KSR2: variants seen among roughly 807,000 people sequenced by gnomAD.
The protein encoded by KSR2 is kinase suppressor of ras 2.
A neutral mutation model predicts 107.8 loss-of-function variants in KSR2; 25 were observed. The observed-to-expected ratio is 0.23, with a 90% CI of 0.17 to 0.32. The LOEUF (loss-of-function observed/expected upper bound fraction) is 0.32, where lower values mean the gene tolerates loss of function less well. Among genes scored for constraint, KSR2 ranks in the 10% least tolerant of loss-of-function variants. KSR2 has a pLI of 1.00. For missense variants in KSR2, 887 were observed against 1,268.9 expected (o/e 0.70, Z 4.57); for synonymous variants, 480 against 507.0 (o/e 0.95, Z 0.71).
At chr12:117,718,569 G>A (rs1204906703) in intron 4 of KSR2, among the ~76,000 whole-genome samples, 1 of 152,206 alleles carries the variant, frequency 6.6e-6, no homozygotes, top group Non-Finnish European at 1.5e-5. Flanking sequence ...GTTGGTGAAT[G>A]AGTGGCTCAG....
intron 5 of KSR2, among the ~76,000 whole-genome samples, chr12:117,594,430 T>C (rs1443388022): frequency 6.6e-6 from 1 of 152,162 alleles, no homozygotes; most frequent in African/African-American, 2.4e-5. Flanking sequence ...CTTGCAGACA[T>C]GGTGGGGACA....
At chr12:117,871,951 C>T (rs1165521422) in intron 1 of KSR2, among the ~76,000 whole-genome samples, 1 of 152,092 alleles carries the variant, frequency 6.6e-6, no homozygotes, top group Non-Finnish European at 1.5e-5. Flanking sequence ...GCCACTATTC[C>T]CCATTTATTT....
At chr12:117,837,321 G>A (rs1203341466) in intron 3 of KSR2, among the ~76,000 whole-genome samples, 3 of 152,156 alleles carry the variant, frequency 2.0e-5, no homozygotes, top group Non-Finnish European at 1.5e-5. Context: ...TGATCAGACC[G>A]AGGTTCCTGC....
At chr12:117,858,516 C>T (rs773460332) in intron 2 of KSR2, among the ~76,000 whole-genome samples, 12 of 152,110 alleles carry the variant, frequency 7.9e-5, no homozygotes, top group Non-Finnish European at 1.6e-4. Flanking sequence ...ATTCTTAGAT[C>T]TGGTGGGGCT....
chr12:117,505,076 C>T (rs1873596138), intron 14 of KSR2, among the ~76,000 whole-genome samples: 1 of 152,166 alleles, frequency 6.6e-6, no homozygotes, highest in African/African-American at 2.4e-5. Context: ...CTGCAAAAGA[C>T]ATGATTTAGT....
At chr12:117,537,693 A>C (rs143037209) in intron 10 of KSR2, among the ~76,000 whole-genome samples, 2,107 of 152,328 alleles carry the variant, frequency 0.014, 19 homozygotes, top group Non-Finnish European at 0.022. Flanking sequence ...GCTTTTACCC[A>C]AAGGACCCCT....
chr12:117,944,148 A>G (rs1471299064), intron 1 of KSR2, among the ~76,000 whole-genome samples: 1 of 152,150 alleles, frequency 6.6e-6, no homozygotes, highest in East Asian at 1.9e-4. Flanking sequence ...AGGCTGAGGC[A>G]GGCGGATCAC....
chr12:117,760,742 A>G (rs1020595920), intron 4 of KSR2, among the ~76,000 whole-genome samples: 1 of 152,220 alleles, frequency 6.6e-6, no homozygotes, highest in African/African-American at 2.4e-5. Flanking sequence ...GCGTGTTCCA[A>G]TACCTTTTAT....
Position 117,464,328 on chromosome 12 carries a change from A to G in KSR2, c.*2871T>C, listed in dbSNP as rs1871046646. Reference sequence around the variant, plus strand: ...TGCTAAAAGCAAGACTGACTGGAACAACTCGCTGCTGAGTCAGTGACTTAT... The same window carrying G: ...TGCTAAAAGCAAGACTGACTGGAACGACTCGCTGCTGAGTCAGTGACTTAT... On this transcript the variant is annotated 3_prime_UTR_variant, in exon 20 of 20. Transcript: ENST00000339824. 6.6e-6 allele frequency: 1 copy of G among 152,272 alleles called. No homozygotes were observed. The highest frequency in any genetic ancestry group is 2.1e-4 in the South Asian group (1 of 4,836). The allele number at this position is 152,272 out of a possible 1,614,324, so 9.4% of individuals were successfully genotyped here. A position where few individuals can be genotyped will look rare whatever the true frequency, so the allele number is the denominator to read the frequency against.
At chr12:117,793,096 A>G in intron 3 of KSR2, among the ~76,000 whole-genome samples, 1 of 142,322 alleles carries the variant, frequency 7.0e-6, no homozygotes, top group Non-Finnish European at 1.5e-5. Flanking sequence ...ACCAACATGC[A>G]CACTCACACC....
rs1398989101 is a variant in KSR2, at chr12:117,656,957, T to TATAA, written c.1171+10516_1171+10517insTTAT. Among the ~76,000 whole-genome samples the TATAA allele has an allele frequency of 2.6e-4, 24 of 92,890 alleles. 1 individual carries two copies. Among genetic ancestry groups the TATAA allele is most frequent in the Admixed American group, 1.0e-3 (8 of 7,974 alleles). 60.9% of individuals were successfully genotyped at this position (92,890 alleles called of 152,430 possible). A position where few individuals can be genotyped will look rare whatever the true frequency, so the allele number is the denominator to read the frequency against. ...ATATAATAGGATATATATATATATA[T>TATAA]AATAGGATATATATATATAATAGGA... is the stretch of plus-strand genomic sequence containing the variant. On this transcript the variant is annotated intron_variant, in intron 5 of 19. Transcript: ENST00000339824.
chr12:117,652,317 AAAT>A lies in KSR2; in HGVS notation c.1171+15154_1171+15156del, dbSNP rs769992004. Among the ~76,000 whole-genome samples the A allele has an allele frequency of 2.6e-3, 394 of 152,266 alleles. 4 individuals are homozygous for A. The highest frequency in any genetic ancestry group is 4.3e-4 in the Non-Finnish European group (29 of 68,018). On this transcript the variant is annotated intron_variant, in intron 5 of 19. Coordinates refer to ENST00000339824, the MANE Select transcript of KSR2 (RefSeq NM_173598.6). The stretch of plus-strand genomic sequence containing the variant: ...CCCCAATAACTTATGGAAAAAATAA[AAAT>A]AATAATAATTTAAAAAAGAATACTC...
intron 4 of KSR2, among the ~76,000 whole-genome samples, chr12:117,694,123 G>A (rs1885949327): frequency 6.6e-6 from 1 of 151,976 alleles, no homozygotes; most frequent in African/African-American, 2.4e-5. Flanking sequence ...TGCAGCTGCT[G>A]TGGCAAACAC....
chr12:117,634,241 A>G (rs1882943961), intron 5 of KSR2, among the ~76,000 whole-genome samples: 2 of 152,214 alleles, frequency 1.3e-5, no homozygotes, highest in African/African-American at 4.8e-5. Context: ...AGCTCTGATC[A>G]GGTAGGGAGA....
intron 4 of KSR2, among the ~76,000 whole-genome samples, chr12:117,679,223 C>T (rs1255300860): frequency 6.6e-6 from 1 of 152,214 alleles, no homozygotes; most frequent in Non-Finnish European, 1.5e-5. Flanking sequence ...GTTGCTATCA[C>T]CAGCACTCCA....
At chr12:117,644,598 T>A (rs1361641291) in intron 5 of KSR2, among the ~76,000 whole-genome samples, 1 of 152,166 alleles carries the variant, frequency 6.6e-6, no homozygotes, top group South Asian at 2.1e-4. Context: ...GATTTGAATG[T>A]GAAAGCAAGG....
intron 1 of KSR2, among the ~76,000 whole-genome samples, chr12:117,872,712 C>G (rs1893690807): frequency 6.6e-6 from 1 of 152,220 alleles, no homozygotes; most frequent in East Asian, 1.9e-4. Flanking sequence ...CCTCTACTGT[C>G]TGAACAATTA....
At chr12:117,703,397 G>A (rs569519517) in intron 4 of KSR2, among the ~76,000 whole-genome samples, 1 of 152,138 alleles carries the variant, frequency 6.6e-6, no homozygotes, top group East Asian at 1.9e-4. Context: ...CTTGAGAGTG[G>A]GCACCTCCCT....
chr12:117,701,145 T>C (rs372253220), intron 4 of KSR2, among the ~76,000 whole-genome samples: 2 of 152,190 alleles, frequency 1.3e-5, no homozygotes, highest in African/African-American at 4.8e-5. Flanking sequence ...TGGAGTGCAA[T>C]GGTGCGATCT....
Sources: gnomAD v4.1 joint callset for allele counts (sites outside exome capture counted in the v4.1 genomes callset) on GRCh38, gnomAD v4.1.1 for gene constraint, MANE v1.5 for transcripts, NCBI Gene and HGNC (gene_info 2026-07-23, HGNC 2026-07-21) for gene names.